ZNF544: variants seen among roughly 807,000 people sequenced by gnomAD.
The protein encoded by ZNF544 is zinc finger protein 544.
Under a neutral mutation model 13.5 loss-of-function variants are expected in ZNF544, and 10 were observed. That is an observed-to-expected ratio of 0.74 (90% CI 0.46 to 1.25). ZNF544 has a LOEUF of 1.25. ZNF544 is among the 50% of genes most tolerant of loss of function. The pLI, the probability that ZNF544 is intolerant of heterozygous loss-of-function variation, is 0.00. For missense variants in ZNF544, 896 were observed against 845.6 expected (o/e 1.06, Z -0.74); for synonymous variants, 323 against 300.5 (o/e 1.07, Z -0.77).
chr19:58,248,962 C>T (rs545322223), intron 6 of ZNF544, among the ~76,000 whole-genome samples: 2 of 152,192 alleles, frequency 1.3e-5, no homozygotes, highest in South Asian at 4.2e-4. Context: ...GGGAAGGTGA[C>T]CAACAGAGGC....
chr19:58,266,322 T>C (rs1365474809), downstream of ZNF544, among the ~76,000 whole-genome samples: 4 of 149,976 alleles, frequency 2.7e-5, no homozygotes, highest in South Asian at 2.1e-4. Flanking sequence ...AAGACCATCC[T>C]GGCTAACACA....
At chr19:58,254,398 G>A (rs2147346603) in intron 6 of ZNF544, among the ~76,000 whole-genome samples, 1 of 152,306 alleles carries the variant, frequency 6.6e-6, no homozygotes, top group Middle Eastern at 3.4e-3. Flanking sequence ...AGTCGTTGAG[G>A]ATGCAGCCAA....
intron 5 of ZNF544, 93 bp downstream of exon 5, chr19:58,246,520 C>G: frequency 6.4e-7 from 1 of 1,559,554 alleles, no homozygotes; most frequent in Non-Finnish European, 8.7e-7. Flanking sequence ...CTGGAAGATA[C>G]TGGAAGCAGG....
chr19:58,246,047 G>A (rs2045127257), intron 4 of ZNF544, among the ~76,000 whole-genome samples: 1 of 152,174 alleles, frequency 6.6e-6, no homozygotes, highest in Admixed American at 6.5e-5. Context: ...GGTCTGGTTG[G>A]GGCCTGCTGT....
downstream of ZNF544, among the ~76,000 whole-genome samples, chr19:58,268,040 C>A (rs891377114): frequency 2.0e-5 from 3 of 151,916 alleles, no homozygotes; most frequent in East Asian, 5.8e-4. Context: ...TGGCTCACGC[C>A]TATAATCCCA....
intron 5 of ZNF544, among the ~76,000 whole-genome samples, chr19:58,275,783 C>CA (rs57148438): frequency 0.023 from 1,517 of 66,116 alleles, 39 homozygotes; most frequent in African/African-American, 0.051. Flanking sequence ...GACCCTGTCT[C>CA]AAAAAAAAAA....
intron 5 of ZNF544, among the ~76,000 whole-genome samples, chr19:58,271,506 T>C (rs908950039): frequency 1.3e-5 from 2 of 151,840 alleles, no homozygotes; most frequent in African/African-American, 2.4e-5. Context: ...GGAAGCTGAG[T>C]TGGGAGGATT....
chr19:58,244,216 A>G (rs984427372), intron 4 of ZNF544, among the ~76,000 whole-genome samples, 160 bp downstream of exon 4: 1 of 151,874 alleles, frequency 6.6e-6, no homozygotes, highest in African/African-American at 2.4e-5. Flanking sequence ...AAAGCGCGGC[A>G]CCCGTCACCA....
In ZNF544 at chr19:58,260,907, G is replaced by A. The variant is rs541524331; in HGVS notation, c.301G>A (p.Glu101Lys). Residue 101 changes from glutamate to lysine, a missense_variant, in exon 7 of 7, where the codon GAA (glutamate) becomes AAA (lysine). Coordinates refer to ENST00000687789, the MANE Select transcript of ZNF544 (RefSeq NM_014480.4). ...GAATTCTGAAAAAGATCGAGCTAGG[G>A]AAGAACTATCCCACCACGTGGAAGT... Reference protein sequence around the residue: ...RLNSEKDRAREELSHHVEVYR... With the variant: ...RLNSEKDRARKELSHHVEVYR... 6.2e-7 allele frequency: 1 copy of A among 1,613,554 alleles called. No homozygotes were observed. Among genetic ancestry groups the A allele is most frequent in the South Asian group, 1.1e-5 (1 of 90,942 alleles).
At chr19:58,266,914 T>C (rs549209818), downstream of ZNF544, 1 of 152,338 alleles carries the variant, frequency 6.6e-6, no homozygotes, top group South Asian at 2.1e-4. Context: ...AAGCGTACTG[T>C]TAAAGCAGCC....
intron 3 of ZNF544, among the ~76,000 whole-genome samples, chr19:58,238,672 C>T (rs2042934747): frequency 6.6e-6 from 1 of 152,108 alleles, no homozygotes; most frequent in African/African-American, 2.4e-5. Context: ...GCTCAGGAGC[C>T]TCCCGTTGTT....
chr19:58,240,774 A>G (rs1330124958), intron 3 of ZNF544, among the ~76,000 whole-genome samples: 2 of 151,104 alleles, frequency 1.3e-5, no homozygotes, highest in Non-Finnish European at 1.5e-5. Flanking sequence ...AAAAAAAAAG[A>G]AAGTACAGGG....
chr19:58,274,158 A>G (rs2051030714), intron 5 of ZNF544, among the ~76,000 whole-genome samples: 1 of 151,940 alleles, frequency 6.6e-6, no homozygotes, highest in Non-Finnish European at 1.5e-5. Context: ...AAAACGGAAA[A>G]AAATTAATAT....
rs766394822 is a variant in ZNF544 at position 58,262,513 on chromosome 19, A to G, written c.1907A>G (p.Gln636Arg). ...HTGEKPYKCN[Q>R]CNKAFARSSY... is the part of the protein sequence containing the mutation. ...GGGGAGAAGCCGTACAAATGCAATC[A>G]GTGCAATAAAGCCTTTGCAAGGAGC... Residue 636 changes from glutamine (Q) to arginine (R), a missense_variant, in exon 7 of 7, where the codon CAG (glutamine) becomes CGG (arginine). Gln to Arg is a conservative substitution (Grantham distance 43, BLOSUM62 1). Transcript: ENST00000687789. The G allele has an allele frequency of 5.6e-6, 9 of 1,614,246 alleles. No homozygotes were observed. Among genetic ancestry groups the G allele is most frequent in the Non-Finnish European group, 7.6e-6 (9 of 1,180,042 alleles).
At chr19:58,260,671 T>C (rs114029802) in intron 6 of ZNF544, 180 bp from the exon 7 acceptor site, 2 of 590,444 alleles carry the variant, frequency 3.4e-6, no homozygotes, top group African/African-American at 1.9e-5. Context: ...TTTTGCACTT[T>C]ACCACTGATA....
At chr19:58,241,144 A>ATATATATATATATTTTAATAT (rs2043527293) in intron 3 of ZNF544, among the ~76,000 whole-genome samples, 1 of 73,750 alleles carries the variant, frequency 1.4e-5, no homozygotes, top group Non-Finnish European at 2.6e-5. Context: ...GCCAATTTAA[A>ATATATATATATATTTTAATAT]ATATATATAT....
chr19:58,263,093 A>C lies in ZNF544; in HGVS notation c.*339A>C. ...AGAGAAGCCCTGTGAATGTTAACAA[A>C]TGTGGAAAAGCTTCCAGTTATGATA... is the stretch of plus-strand genomic sequence containing the variant. On this transcript the variant is annotated 3_prime_UTR_variant, in exon 7 of 7. Coordinates refer to ENST00000687789, the MANE Select transcript of ZNF544 (RefSeq NM_014480.4). 1 of 1,051,586 alleles carries C rather than the reference A, an allele frequency of 9.5e-7. No individual in the cohort carries two copies. Among genetic ancestry groups the C allele is most frequent in the Non-Finnish European group, 1.1e-6 (1 of 870,120 alleles). 65.1% of individuals were successfully genotyped at this position (1,051,586 alleles called of 1,614,324 possible).
chr19:58,262,998 A>T lies in ZNF544; in HGVS notation c.*244A>T. On this transcript the variant is annotated 3_prime_UTR_variant, in exon 7 of 7. Transcript: ENST00000687789. ...ACACACACTGGAGGCAAACCCTATG[A>T]ATGTGACCATTGCGAGAAAGCCTTT... 1.2e-5 allele frequency: 15 copies of T among 1,290,376 alleles called. No homozygotes were observed. Among genetic ancestry groups the T allele is most frequent in the Non-Finnish European group, 1.5e-5 (15 of 1,017,340 alleles). 79.9% of individuals were successfully genotyped at this position (1,290,376 alleles called of 1,614,324 possible). A position where few individuals can be genotyped will look rare whatever the true frequency, so the allele number is the denominator to read the frequency against.
chr19:58,229,851 T>C (rs2040828476), intron 2 of ZNF544: 1 of 151,974 alleles, frequency 6.6e-6, no homozygotes, highest in Non-Finnish European at 1.5e-5. Context: ...ATTTCAAGAG[T>C]CTAAGGGAGT....
Sources: allele counts gnomAD v4.1 joint callset (sites outside exome capture counted in the v4.1 genomes callset), GRCh38; gene constraint gnomAD v4.1.1; transcripts MANE v1.5; gene names NCBI Gene and HGNC (gene_info 2026-07-23, HGNC 2026-07-21).